The following RASSF3 variants were observed in gnomAD, a reference collection of about 807,000 sequenced individuals.
RASSF3 encodes ras association domain-containing protein 3.
In RASSF3, 19 loss-of-function variants were observed where a neutral mutation model predicts 19.9. The ratio of observed to expected loss-of-function variants is 0.96; its 90% CI spans 0.67 to 1.40. The LOEUF is 1.40. Among genes scored for constraint, RASSF3 ranks in the 40% most tolerant of loss-of-function variants. The pLI, the probability that RASSF3 is intolerant of heterozygous loss-of-function variation, is 0.00. For synonymous variants in RASSF3, 110 were observed against 104.2 expected (o/e 1.06, Z -0.34); for missense variants, 306 against 289.8 (o/e 1.06, Z -0.41).
At chr12:64,688,131 C>A in intron 2 of RASSF3, 85 bp from the exon 3 acceptor site, 1 of 903,424 alleles carries the variant, frequency 1.1e-6, no homozygotes. Flanking sequence ...AGGAGTGTTT[C>A]ACCTTCCCGT....
intron 1 of RASSF3, among the ~76,000 whole-genome samples, chr12:64,629,648 A>G (rs1342153903): frequency 6.6e-6 from 1 of 152,060 alleles, no homozygotes; most frequent in African/African-American, 2.4e-5. Flanking sequence ...AAGTTGGCCT[A>G]TGAAAATGAG....
At chr12:64,679,738 T>C (rs920053026) in intron 1 of RASSF3, among the ~76,000 whole-genome samples, 10 of 152,106 alleles carry the variant, frequency 6.6e-5, no homozygotes, top group African/African-American at 2.4e-4. Context: ...GAGTCTAGGA[T>C]TTATGAAATA....
intron 1 of RASSF3, among the ~76,000 whole-genome samples, chr12:64,525,795 G>A (rs1445236830): frequency 6.6e-6 from 1 of 152,074 alleles, no homozygotes; most frequent in African/African-American, 2.4e-5. Flanking sequence ...GTGATCAGAA[G>A]CATATAGATC....
chr12:64,610,463 C>T (rs1870301509), upstream of RASSF3: 2 of 228,622 alleles, frequency 8.7e-6, no homozygotes, highest in East Asian at 1.8e-4. Flanking sequence ...TGGAGCCTGG[C>T]GGGGAGGCGG....
chr12:64,540,562 G>A (rs562434497), intron 1 of RASSF3, among the ~76,000 whole-genome samples: 3 of 152,174 alleles, frequency 2.0e-5, no homozygotes, highest in South Asian at 2.1e-4. Context: ...ACAGATAAAA[G>A]AATAAACAAA....
At chr12:64,539,566 AG>A (rs1429459027) in intron 1 of RASSF3, among the ~76,000 whole-genome samples, 3 of 152,198 alleles carry the variant, frequency 2.0e-5, no homozygotes, top group Admixed American at 6.5e-5. Flanking sequence ...ACTTGAGCCC[AG>A]GAGTTCAAGA....
chr12:64,544,146 TCA>T (rs1869008063), downstream of RASSF3, among the ~76,000 whole-genome samples: 1 of 151,990 alleles, frequency 6.6e-6, no homozygotes, highest in South Asian at 2.1e-4. Flanking sequence ...ACTCTTTGGG[TCA>T]CACTGCGTTT....
chr12:64,594,255 G>A (rs977109522), intron 2 of RASSF3, among the ~76,000 whole-genome samples: 2 of 151,856 alleles, frequency 1.3e-5, no homozygotes, highest in African/African-American at 4.8e-5. Flanking sequence ...GATTGCTTGA[G>A]CCCAGGAGGT....
intron 2 of RASSF3, among the ~76,000 whole-genome samples, chr12:64,556,535 T>C (rs1159080029): frequency 6.6e-6 from 1 of 152,130 alleles, no homozygotes; most frequent in Non-Finnish European, 1.5e-5. Context: ...TCGGCCTACA[T>C]GAGTACCTTC....
At chr12:64,559,382 T>C (rs1479879094) in intron 2 of RASSF3, among the ~76,000 whole-genome samples, 2 of 151,390 alleles carry the variant, frequency 1.3e-5, no homozygotes, top group Non-Finnish European at 2.9e-5. Flanking sequence ...TAGCTGGGAC[T>C]ACAGGCGCCT....
chr12:64,663,525 TA>T (rs1431474650), intron 1 of RASSF3, among the ~76,000 whole-genome samples: 11 of 137,134 alleles, frequency 8.0e-5, no homozygotes, highest in South Asian at 2.4e-4. Context: ...TTGTTATTGT[TA>T]TTTTTTTTTT....
chr12:64,592,362 C>A (rs1430551055), intron 2 of RASSF3, among the ~76,000 whole-genome samples: 1 of 152,108 alleles, frequency 6.6e-6, no homozygotes. Flanking sequence ...TTCCATTAGC[C>A]AATTTGCCTA....
intron 2 of RASSF3, among the ~76,000 whole-genome samples, chr12:64,579,724 TTCTG>T (rs370195375): frequency 1.5e-4 from 23 of 152,220 alleles, no homozygotes; most frequent in African/African-American, 4.8e-4. Flanking sequence ...ATTAAAATAT[TTCTG>T]TCTTTTTCCA....
chr12:64,513,597 A>C lies in RASSF3; in HGVS notation c.169+6268A>C, dbSNP rs28654986. ...TCCAGATTCAATGTAAATCCTATGC[A>C]GCTGGAGACAGAGAGGCCTTGGGCA... On this transcript the variant is annotated intron_variant, in intron 1 of 5. Transcript: ENST00000637125. Among the ~76,000 whole-genome samples, 1,349 of 152,282 alleles carry C rather than the reference A, an allele frequency of 8.9e-3. 21 individuals carry two copies. Among genetic ancestry groups the C allele is most frequent in the African/African-American group, 0.031 (1,291 of 41,554 alleles).
At chr12:64,599,343 C>T (rs1353673974) in intron 2 of RASSF3, 4 of 152,118 alleles carry the variant, frequency 2.6e-5, no homozygotes, top group African/African-American at 9.7e-5. Flanking sequence ...TTAGCAGAAG[C>T]GTGGGGGTAG....
At chr12:64,642,182 T>G (rs560858674) in intron 1 of RASSF3, among the ~76,000 whole-genome samples, 1 of 152,304 alleles carries the variant, frequency 6.6e-6, no homozygotes, top group South Asian at 2.1e-4. Context: ...ATTGTTTGCT[T>G]TATCTTCTGG....
At chr12:64,675,131 A>T (rs1226119273) in intron 1 of RASSF3, among the ~76,000 whole-genome samples, 1 of 148,128 alleles carries the variant, frequency 6.8e-6, no homozygotes, top group African/African-American at 2.5e-5. Context: ...AGTTCAACAG[A>T]TGGGGATTGC....
At chr12:64,533,854 G>A (rs1270098178) in intron 1 of RASSF3, among the ~76,000 whole-genome samples, 1 of 152,232 alleles carries the variant, frequency 6.6e-6, no homozygotes, top group Non-Finnish European at 1.5e-5. Context: ...GAGGTGCCCA[G>A]GTAACAGCAG....
At chr12:64,606,794 G>A (rs556065462), upstream of RASSF3, among the ~76,000 whole-genome samples, 1 of 152,250 alleles carries the variant, frequency 6.6e-6, no homozygotes, top group South Asian at 2.1e-4. Context: ...CAGCCTGGGT[G>A]ACAGAGTGAG....
Sources: gnomAD v4.1 joint callset for allele counts (sites outside exome capture counted in the v4.1 genomes callset) on GRCh38, gnomAD v4.1.1 for gene constraint, MANE v1.5 for transcripts, NCBI Gene and HGNC (gene_info 2026-07-23, HGNC 2026-07-21) for gene names.